The following PXDNL variants were observed in gnomAD, a reference collection of about 807,000 sequenced individuals.
The protein encoded by PXDNL is peroxidasin like, also known as probable oxidoreductase PXDNL.
Under a neutral mutation model 150.8 loss-of-function variants are expected in PXDNL, and 145 were observed. The ratio of observed to expected loss-of-function variants is 0.96; its 90% CI spans 0.84 to 1.10. The LOEUF is 1.10. Among genes scored for constraint, PXDNL ranks in the 50% least tolerant of loss-of-function variants. The pLI is 0.00. For missense variants in PXDNL, 2,087 were observed against 1,873.9 expected (o/e 1.11, Z -2.10); for synonymous variants, 757 against 725.7 (o/e 1.04, Z -0.69).
At chr8:51,801,264 AG>A (rs1193236291) in intron 1 of PXDNL, among the ~76,000 whole-genome samples, 1 of 152,076 alleles carries the variant, frequency 6.6e-6, no homozygotes, top group Non-Finnish European at 1.5e-5. Context: ...GGTGGGGAAA[AG>A]ATCCCGCCCT....
intron 6 of PXDNL, among the ~76,000 whole-genome samples, chr8:51,479,630 G>C (rs537916033): frequency 1.3e-5 from 2 of 152,176 alleles, no homozygotes; most frequent in African/African-American, 4.8e-5. Flanking sequence ...AATGTCTCAT[G>C]TTTTCAAGCT....
intron 12 of PXDNL, among the ~76,000 whole-genome samples, chr8:51,440,666 AAAATAGCTAAAGTATCTATCTAGGAAGG>A (rs1809522261): frequency 6.6e-6 from 1 of 152,232 alleles, no homozygotes; most frequent in Non-Finnish European, 1.5e-5. Flanking sequence ...TTAAAATTAA[AAAATAGCTAAAGTATCTATCTAGGAAGG>A]AAATTACACA....
intron 2 of PXDNL, among the ~76,000 whole-genome samples, chr8:51,612,764 C>T (rs1241560466): frequency 1.3e-5 from 2 of 152,210 alleles, no homozygotes; most frequent in South Asian, 2.1e-4. Context: ...GGTGCCCTGA[C>T]GCAGGATTTG....
At chr8:51,589,942 T>C (rs1318823382) in intron 3 of PXDNL, among the ~76,000 whole-genome samples, 1 of 152,110 alleles carries the variant, frequency 6.6e-6, no homozygotes, top group Non-Finnish European at 1.5e-5. Context: ...ATTCATCAAG[T>C]GAACAGGAGA....
In PXDNL at chr8:51,409,290, C is replaced by T. The variant is rs770452399; in HGVS notation, c.2334G>A (p.Pro778=). 1 of 1,420,786 alleles carries T rather than the reference C, an allele frequency of 7.0e-7. No homozygotes were observed. Among genetic ancestry groups the T allele is most frequent in the Non-Finnish European group, 9.1e-7 (1 of 1,094,226 alleles). 88.0% of individuals were successfully genotyped at this position (1,420,786 alleles called of 1,614,324 possible). Residue 778 remains proline (P), a synonymous_variant, in exon 17 of 23, where the codon CCG becomes CCA. Coordinates refer to ENST00000356297, the MANE Select transcript of PXDNL (RefSeq NM_144651.5). ...ACACTGTGGCGACCAGCCGGGGCGGCGGGAGGGGCTGGCGGGAGCCCACAG... is the reference window on the plus strand; with the variant it reads ...ACACTGTGGCGACCAGCCGGGGCGGTGGGAGGGGCTGGCGGGAGCCCACAG... ...GLPVGSRQPL[P]PPRLVATVWA...
chr8:51,342,274 A>C (rs974638774), intron 20 of PXDNL, among the ~76,000 whole-genome samples: 1 of 152,038 alleles, frequency 6.6e-6, no homozygotes, highest in Non-Finnish European at 1.5e-5. Context: ...ATCAGTACTC[A>C]ATTAAAAAAT....
chr8:51,327,516 T>C (rs930287739), intron 21 of PXDNL, among the ~76,000 whole-genome samples: 3 of 152,244 alleles, frequency 2.0e-5, no homozygotes, highest in Admixed American at 1.3e-4. Flanking sequence ...TGCAGAATTG[T>C]AACTACATAA....
rs914134706 is a variant in PXDNL, at chr8:51,411,151, A to G, written c.2062+99T>C. On this transcript the variant is annotated intron_variant, in intron 16 of 22. Coordinates refer to ENST00000356297, the MANE Select transcript of PXDNL (RefSeq NM_144651.5). ...GTGAGTAAATTAATTTCTAAATCCC[A>G]TGATATTCTGGAGATTAAAAGTTCA... The G allele has an allele frequency of 5.9e-6, 6 of 1,020,360 alleles. No individual in the cohort carries two copies. In the African/African-American group the frequency reaches 8.4e-5, roughly 14 times the overall value. The allele number at this position is 1,020,360 out of a possible 1,614,324, so 63.2% of individuals were successfully genotyped here.
chr8:51,657,092 A>G (rs1362818573), intron 1 of PXDNL, among the ~76,000 whole-genome samples: 2 of 152,182 alleles, frequency 1.3e-5, no homozygotes, highest in Admixed American at 6.5e-5. Context: ...AGCCTAGCCT[A>G]CCTTAAACAC....
chr8:51,540,755 C>T (rs1311518017), intron 4 of PXDNL, among the ~76,000 whole-genome samples: 1 of 152,156 alleles, frequency 6.6e-6, no homozygotes, highest in East Asian at 1.9e-4. Flanking sequence ...TTCAGGTCTT[C>T]TTTATACTTA....
rs769859597 is a variant in PXDNL, at chr8:51,374,581, ACAGATAATCAT to A, written c.3692+5_3692+15del. ...ACTTTTGTGATATTTAATAAGTATA[ACAGATAATCAT>A]TCACCTATCTCCATCTCTTAGCCGC... On this transcript the variant is annotated splice_donor_5th_base_variant and intron_variant, in intron 18 of 22. Coordinates refer to ENST00000356297, the MANE Select transcript of PXDNL (RefSeq NM_144651.5). 4.3e-6 allele frequency: 7 copies of A among 1,613,406 alleles called. No individual in the cohort carries two copies. In the African/African-American group the frequency reaches 9.3e-5, roughly 22 times the overall value.
chr8:51,744,829 C>A (rs1474796038), intron 1 of PXDNL, among the ~76,000 whole-genome samples: 2 of 124,790 alleles, frequency 1.6e-5, no homozygotes, highest in Non-Finnish European at 3.3e-5. Context: ...GAAGGACAGA[C>A]AGAAAGAAAA....
At chr8:51,525,333 A>C (rs891887641) in intron 4 of PXDNL, among the ~76,000 whole-genome samples, 8 of 152,188 alleles carry the variant, frequency 5.3e-5, no homozygotes, top group African/African-American at 1.7e-4. Context: ...TAAAATGATA[A>C]ATGGGTTAAG....
chr8:51,784,679 G>A (rs1459657059), intron 1 of PXDNL, among the ~76,000 whole-genome samples: 1 of 152,088 alleles, frequency 6.6e-6, no homozygotes, highest in Admixed American at 6.6e-5. Flanking sequence ...AGTAAAGAGT[G>A]TGCTTGCTCA....
chr8:51,731,262 G>A (rs1816920040), intron 1 of PXDNL, among the ~76,000 whole-genome samples: 1 of 152,172 alleles, frequency 6.6e-6, no homozygotes, highest in Non-Finnish European at 1.5e-5. Context: ...GGGAGAAATT[G>A]GCCAAAACAA....
chr8:51,781,651 G>A (rs1296148747), intron 1 of PXDNL, among the ~76,000 whole-genome samples: 1 of 152,106 alleles, frequency 6.6e-6, no homozygotes, highest in African/African-American at 2.4e-5. Context: ...TGTTTCCTGG[G>A]CTCCTACCCT....
rs1340380975 is a variant in PXDNL, at chr8:51,486,785, TATATATATA to T, written c.453-3080_453-3072del. Among the ~76,000 whole-genome samples, 159 of 23,844 alleles carry T rather than the reference TATATATATA, an allele frequency of 6.7e-3. 3 individuals carry two copies. The highest frequency in any genetic ancestry group is 0.02 in the East Asian group (6 of 300). 15.6% of individuals were successfully genotyped at this position (23,844 alleles called of 152,430 possible). A position where few individuals can be genotyped will look rare whatever the true frequency, so the allele number is the denominator to read the frequency against. On this transcript the variant is annotated intron_variant, in intron 5 of 22. Transcript: ENST00000356297. ...ATATATATATATATATATATATATA[TATATATATA>T]TTTTTTTTTTTTTTTTTTTTTTTTT...
chr8:51,647,724 C>T (rs1814948767), intron 2 of PXDNL, among the ~76,000 whole-genome samples: 1 of 152,152 alleles, frequency 6.6e-6, no homozygotes, highest in Admixed American at 6.5e-5. Context: ...CTTCTCTGTG[C>T]ATCAGTGTCC....
At chr8:51,794,458 G>T (rs1422896722) in intron 1 of PXDNL, among the ~76,000 whole-genome samples, 1 of 152,206 alleles carries the variant, frequency 6.6e-6, no homozygotes, top group Non-Finnish European at 1.5e-5. Context: ...CAAACTAACT[G>T]CAGACCTCTC....
Sources: allele counts gnomAD v4.1 joint callset (sites outside exome capture counted in the v4.1 genomes callset), GRCh38; gene constraint gnomAD v4.1.1; transcripts MANE v1.5; gene names NCBI Gene and HGNC (gene_info 2026-07-23, HGNC 2026-07-21).